The following DNAH5 variants were observed in gnomAD, a reference collection of about 807,000 sequenced individuals.
The protein encoded by DNAH5 is dynein axonemal heavy chain 5.
A neutral mutation model predicts 518.2 loss-of-function variants in DNAH5; 372 were observed. The ratio of observed to expected loss-of-function variants is 0.72; its 90% CI spans 0.66 to 0.78. DNAH5 has a LOEUF of 0.78. Ranked by LOEUF, DNAH5 falls within the 30% of genes least tolerant of loss-of-function variation. The probability of loss-of-function intolerance (pLI) is 0.00; values close to 1 mark genes in which losing one functional copy is unlikely to be tolerated. For synonymous variants in DNAH5, 2,039 were observed against 2,025.9 expected, an observed-to-expected ratio of 1.01 and a Z score of -0.17; for missense variants, 5,523 against 5,687.0, an observed-to-expected ratio of 0.97 and a Z score of 0.93.
chr5:13,758,301 G>A (rs867445088), intron 61 of DNAH5, among the ~76,000 whole-genome samples: 5 of 152,036 alleles, frequency 3.3e-5, no homozygotes, highest in Non-Finnish European at 7.4e-5. Context: ...TCAGGAGTTC[G>A]AGACCAGCCT....
intron 1 of DNAH5, among the ~76,000 whole-genome samples, chr5:13,980,516 G>A (rs779491823): frequency 7.9e-5 from 12 of 151,854 alleles, no homozygotes; most frequent in South Asian, 4.2e-4. Flanking sequence ...CCAGCCTTGC[G>A]GTCTGCTTTC....
At chr5:13,768,760 AGT>A (rs1415671626) in intron 58 of DNAH5, among the ~76,000 whole-genome samples, 198 bp downstream of exon 58, 5 of 152,208 alleles carry the variant, frequency 3.3e-5, no homozygotes, top group African/African-American at 1.2e-4. Context: ...ATGAGTGAAG[AGT>A]GTGAGATGTT....
chr5:13,747,495 A>G (rs1749558483), intron 65 of DNAH5, among the ~76,000 whole-genome samples: 1 of 152,250 alleles, frequency 6.6e-6, no homozygotes, highest in Non-Finnish European at 1.5e-5. Flanking sequence ...ACTAGTTTAC[A>G]GTCCCACCAA....
At chr5:13,738,474 A>G (rs1579987714) in intron 65 of DNAH5, among the ~76,000 whole-genome samples, 2 of 152,202 alleles carry the variant, frequency 1.3e-5, no homozygotes, top group South Asian at 4.1e-4. Context: ...TTTAAATTGA[A>G]AAGTCTTCTT....
chr5:13,720,870 A>AC, intron 71 of DNAH5, 130 bp downstream of exon 71: 6 of 1,305,334 alleles, frequency 4.6e-6, no homozygotes, highest in Non-Finnish European at 6.3e-6. Flanking sequence ...TTAAAAAAAA[A>AC]ACGCTGTTTA....
chr5:13,767,576 G>A (rs1752682579), intron 58 of DNAH5, among the ~76,000 whole-genome samples: 1 of 152,214 alleles, frequency 6.6e-6, no homozygotes, highest in Non-Finnish European at 1.5e-5. Flanking sequence ...AGCCAGTGAG[G>A]AAAGTAGGGT....
chr5:13,939,530 C>A (rs752617884), intron 1 of DNAH5, among the ~76,000 whole-genome samples: 1 of 152,114 alleles, frequency 6.6e-6, no homozygotes, highest in Non-Finnish European at 1.5e-5. Flanking sequence ...TCCCTGTCTT[C>A]CCACAGAGAA....
At chr5:13,979,670 A>G (rs1479370851) in intron 1 of DNAH5, among the ~76,000 whole-genome samples, 1 of 152,178 alleles carries the variant, frequency 6.6e-6, no homozygotes, top group African/African-American at 2.4e-5. Context: ...CCTCAGCTAC[A>G]TGGAAACAGC....
chr5:13,721,447 C>T (rs2126532915), intron 70 of DNAH5, among the ~76,000 whole-genome samples: 1 of 152,220 alleles, frequency 6.6e-6, no homozygotes, highest in Non-Finnish European at 1.5e-5. Context: ...GTTGCTTACC[C>T]AGTACAAAAT....
chr5:13,835,236 A>G (rs1054921474), intron 35 of DNAH5, among the ~76,000 whole-genome samples: 9 of 151,858 alleles, frequency 5.9e-5, no homozygotes, highest in Non-Finnish European at 8.8e-5. Flanking sequence ...CGGAGATCGC[A>G]CCACTGTGAT....
chr5:13,892,154 T>A (rs1170935974), intron 16 of DNAH5, among the ~76,000 whole-genome samples: 1 of 152,214 alleles, frequency 6.6e-6, no homozygotes, highest in Non-Finnish European at 1.5e-5. Flanking sequence ...AGATACCAAA[T>A]AGTTCTGCCT....
At chr5:13,714,265 GTTCT>G (rs1743992191) in intron 75 of DNAH5, 136 bp downstream of exon 75, 9 of 883,168 alleles carry the variant, frequency 1.0e-5, no homozygotes, top group South Asian at 3.1e-5. Flanking sequence ...TCTTTTTCTG[GTTCT>G]TTAAGAAGCT....
At chr5:13,899,122 G>C (rs537411450) in intron 15 of DNAH5, 9 of 152,396 alleles carry the variant, frequency 5.9e-5, no homozygotes, top group African/African-American at 2.2e-4. Context: ...ATAGAGACGG[G>C]GTTTCACCAC....
Position 13,810,123 on chromosome 5 carries a change from C to T in DNAH5, c.7545G>A (p.Thr2515=), listed in dbSNP as rs1344759999. 5.2e-6 allele frequency: 8 copies of T among 1,550,308 alleles called. No homozygotes were observed. The East Asian group carries it at 1.2e-4, about 24-fold the overall frequency. Residue 2515 remains threonine (T), a synonymous_variant, in exon 45 of 79, where the codon ACG becomes ACA. Transcript: ENST00000265104. ...GCCCCGCTGGCGGCGGCAGCTCCAG[C>T]GTCCCTGTGGGCCGAGAGCGCAGCC... ...ELWLRSRPTG[T]LELPPPAGPG...
chr5:13,841,070 C>T lies in DNAH5; in HGVS notation c.5545G>A (p.Ala1849Thr), dbSNP rs1241099540. The part of the protein sequence containing the change: ...TRDSEEALRN[A>T]KFDKKIMQKT... ...TGCATGATTTTTTTATCAAACTTGG[C>T]ATTTCTAAGGGCTTCTTCTGAATCC... The change falls in exon 34 of 79, where the codon GCC (alanine) becomes ACC (threonine). Residue 1849 changes from alanine to threonine, a missense_variant. Physicochemically the swap from Ala to Thr is moderately conservative, Grantham distance 58. Transcript: ENST00000265104. 15 of 1,613,980 alleles carry T rather than the reference C, an allele frequency of 9.3e-6. No individual in the cohort carries two copies. The highest frequency in any genetic ancestry group is 1.2e-5 in the Non-Finnish European group (14 of 1,180,016).
chr5:13,958,654 A>T (rs1430434366), intron 1 of DNAH5, among the ~76,000 whole-genome samples: 3 of 152,230 alleles, frequency 2.0e-5, no homozygotes, highest in African/African-American at 7.2e-5. Flanking sequence ...ATGAATATAT[A>T]GTAGCTATGT....
Position 13,901,566 on chromosome 5 carries a change from T to C in DNAH5, c.1738A>G (p.Ile580Val). ...TTGTCATCAATACCAAGATTAGGTA[T>C]ATTCAATCTGATTTTTTTAAAAAGT... ...RMLKKFERLN[I>V]PNLGIDDKYQ... is the part of the protein sequence containing the mutation. Residue 580 changes from isoleucine to valine, a missense_variant, in exon 14 of 79, where the codon ATA (isoleucine) becomes GTA (valine). By Grantham distance (29) the Ile-to-Val change is conservative. Around this residue, in one of 3 missense-constraint regions of DNAH5, gnomAD observed 5,121 missense variants for 5,223.3 expected, o/e 0.98. Transcript: ENST00000265104. The C allele has an allele frequency of 6.2e-7, 1 of 1,607,336 alleles. No homozygotes were observed. The highest frequency in any genetic ancestry group is 8.5e-7 in the Non-Finnish European group (1 of 1,176,400).
intron 21 of DNAH5, among the ~76,000 whole-genome samples, chr5:13,881,216 C>A (rs1282183894): frequency 6.6e-6 from 1 of 151,752 alleles, no homozygotes; most frequent in African/African-American, 2.4e-5. Flanking sequence ...GATTTTAGTA[C>A]CCTACTTTCA....
At chr5:13,955,622 A>G (rs1010995955) in intron 1 of DNAH5, among the ~76,000 whole-genome samples, 2 of 152,190 alleles carry the variant, frequency 1.3e-5, no homozygotes, top group African/African-American at 4.8e-5. Context: ...CTCCTAGGAG[A>G]AAATGTGAGG....
Sources: allele counts gnomAD v4.1 joint callset (sites outside exome capture counted in the v4.1 genomes callset), GRCh38; gene constraint gnomAD v4.1.1; regional missense constraint gnomAD v4.1.1; transcripts MANE v1.5; gene names NCBI Gene and HGNC (gene_info 2026-07-23, HGNC 2026-07-21).